ZNF44: variants seen among roughly 807,000 people sequenced by gnomAD.
ZNF44 encodes the protein zinc finger protein 44.
In ZNF44, 9 loss-of-function variants were observed where a neutral mutation model predicts 11.7. The ratio of observed to expected loss-of-function variants is 0.77; its 90% CI spans 0.46 to 1.35. ZNF44 has a LOEUF of 1.35. Among genes scored for constraint, ZNF44 ranks in the 40% most tolerant of loss-of-function variants. The pLI is 0.00. For synonymous variants in ZNF44, 224 were observed against 242.7 expected (o/e 0.92, Z 0.72); for missense variants, 696 against 743.1 (o/e 0.94, Z 0.74).
intron 1 of ZNF44, among the ~76,000 whole-genome samples, chr19:12,291,490 TA>T (rs1968003029): frequency 6.6e-6 from 1 of 152,038 alleles, no homozygotes; most frequent in African/African-American, 2.4e-5. Context: ...AAAAGTTTTT[TA>T]AAAATGCTCC....
At chr19:12,231,001 G>T (rs1302480983) in intron 2 of ZNF44, among the ~76,000 whole-genome samples, 1 of 152,112 alleles carries the variant, frequency 6.6e-6, no homozygotes, top group Non-Finnish European at 1.5e-5. Flanking sequence ...GTTATTTGTG[G>T]TTTATGATCA....
At chr19:12,254,935 A>G (rs534813427) in intron 5 of ZNF44, among the ~76,000 whole-genome samples, 36 of 151,650 alleles carry the variant, frequency 2.4e-4, no homozygotes, top group African/African-American at 8.5e-4. Context: ...AAAAATACAA[A>G]AAAATTAGCC....
intron 2 of ZNF44, among the ~76,000 whole-genome samples, chr19:12,233,164 A>T (rs1916230561): frequency 6.6e-6 from 1 of 152,152 alleles, no homozygotes; most frequent in South Asian, 2.1e-4. Context: ...GGCTGGGAAG[A>T]TGCCAGCCCT....
In ZNF44 at chr19:12,294,845, GA is replaced by G; in HGVS notation, c.-152del. 2.4e-6 allele frequency: 2 copies of G among 839,760 alleles called. No individual in the cohort carries two copies. The highest frequency in any genetic ancestry group is 3.5e-6 in the Non-Finnish European group (2 of 569,326). 52.0% of individuals were successfully genotyped at this position (839,760 alleles called of 1,614,324 possible). On this transcript the variant is annotated 5_prime_UTR_variant, in exon 1 of 4. Transcript: ENST00000355684. ...AGGGTGAAGAGGCCACTAGCTCCTGGAACGTCACACCCTCCTCTCTGCCTCG... is the reference window on the plus strand; with the variant it reads ...AGGGTGAAGAGGCCACTAGCTCCTGGACGTCACACCCTCCTCTCTGCCTCG...
At chr19:12,288,702 G>A (rs536218285) in intron 1 of ZNF44, among the ~76,000 whole-genome samples, 4 of 146,056 alleles carry the variant, frequency 2.7e-5, no homozygotes, top group African/African-American at 1.0e-4. Flanking sequence ...AGGTTGCAGT[G>A]AGCCAAGATC....
upstream of ZNF44, chr19:12,237,746 T>C (rs1222723840): frequency 2.0e-5 from 3 of 152,344 alleles, no homozygotes; most frequent in Admixed American, 6.6e-5. Context: ...TGGAGCAGGA[T>C]TGACAGGTTC....
intron 1 of ZNF44, among the ~76,000 whole-genome samples, chr19:12,278,016 G>A (rs1355006259): frequency 1.3e-5 from 2 of 152,226 alleles, no homozygotes; most frequent in Admixed American, 6.5e-5. Flanking sequence ...TACTTTGGGA[G>A]GCCAAGGTGT....
intron 5 of ZNF44, among the ~76,000 whole-genome samples, chr19:12,257,993 C>A (rs1413157283): frequency 1.3e-5 from 2 of 149,696 alleles, no homozygotes; most frequent in East Asian, 2.0e-4. Context: ...CAAAAACAAA[C>A]AAAAAAAACA....
At chr19:12,236,323 G>T (rs1271778764) in intron 1 of ZNF44, among the ~76,000 whole-genome samples, 1 of 152,148 alleles carries the variant, frequency 6.6e-6, no homozygotes, top group Non-Finnish European at 1.5e-5. Flanking sequence ...GAAATAAGAG[G>T]CAATCAGACT....
rs77472807 is a variant in ZNF44, at chr19:12,275,771, A to G, written c.130+185T>C. On this transcript the variant is annotated intron_variant, in intron 2 of 3. Transcript: ENST00000355684. ...ACTGATAAGGCTGCTGGTCAAAAGTAGGTTAAGCTGTGGCAGACAAAAGAT... is the reference window on the plus strand; with the variant it reads ...ACTGATAAGGCTGCTGGTCAAAAGTGGGTTAAGCTGTGGCAGACAAAAGAT... Among the ~76,000 whole-genome samples, 595 of 152,370 alleles carry G rather than the reference A, an allele frequency of 3.9e-3. 4 individuals are homozygous for G. Among genetic ancestry groups the G allele is most frequent in the Non-Finnish European group, 5.2e-3 (357 of 68,032 alleles).
intron 3 of ZNF44, 142 bp from the exon 4 acceptor site, chr19:12,274,205 G>A (rs1408825872): frequency 3.1e-6 from 2 of 639,798 alleles, no homozygotes; most frequent in Admixed American, 3.1e-5. Context: ...TGAATGTTGT[G>A]CAAGATAACT....
At chr19:12,248,493 G>C (rs1916848824) in exon 8 of ZNF44, 10 of 1,290,846 alleles carry the variant, frequency 7.7e-6, no homozygotes, top group Non-Finnish European at 1.0e-5. Flanking sequence ...TTTGTGTCTG[G>C]TGTAAGATCT....
At chr19:12,286,363 C>T (rs1027409837) in intron 1 of ZNF44, among the ~76,000 whole-genome samples, 6 of 152,014 alleles carry the variant, frequency 3.9e-5, no homozygotes, top group South Asian at 4.1e-4. Flanking sequence ...AGGCCGGGCG[C>T]GGTGGCTCAT....
In ZNF44 at chr19:12,273,183, T is replaced by G; in HGVS notation, c.1072A>C (p.Thr358Pro). The G allele has an allele frequency of 6.2e-7, 1 of 1,613,876 alleles. No homozygotes were observed. The highest frequency in any genetic ancestry group is 8.5e-7 in the Non-Finnish European group (1 of 1,179,910). Residue 358 changes from threonine (T) to proline (P), a missense_variant, in exon 4 of 4, where the codon ACT becomes CCT. Transcript: ENST00000355684. ...FPGSARIHEGTHTLEKPYECK... is the reference protein window; with the variant it reads ...FPGSARIHEGPHTLEKPYECK... ...TCATAGGGTTTCTCTAGAGTGTGAG[T>G]TCCTTCATGAATTCGTGCTGAACCA... is the stretch of plus-strand genomic sequence containing the variant.
Position 12,284,439 on chromosome 19 carries a change from G to A in ZNF44, c.4-8357C>T, listed in dbSNP as rs1277103505. On this transcript the variant is annotated intron_variant, in intron 1 of 3. Transcript: ENST00000355684. ...CGGAGATTTCGGCAGTGGCATCCGG[G>A]GCCGGGGCCGCGGAGCTCTGAGAGG... 7.9e-6 allele frequency: 5 copies of A among 636,838 alleles called. No individual in the cohort carries two copies. The African/African-American group carries it at 9.0e-5, about 11-fold the overall frequency. The allele number at this position is 636,838 out of a possible 1,614,324, so 39.4% of individuals were successfully genotyped here.
chr19:12,241,067 C>G (rs551384399), upstream of ZNF44, among the ~76,000 whole-genome samples: 7 of 152,224 alleles, frequency 4.6e-5, no homozygotes, highest in African/African-American at 1.7e-4. Flanking sequence ...CAAAACAAAC[C>G]AATGAGCCCA....
At chr19:12,239,633 T>C (rs1916541897), upstream of ZNF44, among the ~76,000 whole-genome samples, 1 of 142,346 alleles carries the variant, frequency 7.0e-6, no homozygotes, top group Non-Finnish European at 1.5e-5. Flanking sequence ...TGGAGTGCAG[T>C]GGCGTGGTGT....
In ZNF44 at chr19:12,275,080, T is replaced by C. The variant is rs76212461; in HGVS notation, c.131-47A>G. On this transcript the variant is annotated intron_variant, in intron 2 of 3. Transcript: ENST00000355684. ...TTCACTATAAATTATTACAAAATGATACAAAAATTGTTAAGATTTTATGTA... is the reference window on the plus strand; with the variant it reads ...TTCACTATAAATTATTACAAAATGACACAAAAATTGTTAAGATTTTATGTA... 2.5e-3 allele frequency: 3,554 copies of C among 1,422,250 alleles called. 77 individuals are homozygous for C. In the South Asian group the frequency reaches 0.032, roughly 13 times the overall value. The allele number at this position is 1,422,250 out of a possible 1,614,324, so 88.1% of individuals were successfully genotyped here.
downstream of ZNF44, among the ~76,000 whole-genome samples, chr19:12,271,399 T>A: frequency 6.6e-6 from 1 of 152,212 alleles, no homozygotes; most frequent in East Asian, 1.9e-4. Flanking sequence ...GACATTAGTA[T>A]TAGCCTCCTG....
Sources: gnomAD v4.1 joint callset for allele counts (sites outside exome capture counted in the v4.1 genomes callset) on GRCh38, gnomAD v4.1.1 for gene constraint, MANE v1.5 for transcripts, NCBI Gene and HGNC (gene_info 2026-07-23, HGNC 2026-07-21) for gene names.